Variants in CIRBP observed in about 807,000 individuals in gnomAD.
CIRBP encodes the protein cold-inducible RNA-binding protein.
In CIRBP, 11 loss-of-function variants were observed where a neutral mutation model predicts 22.3. The observed-to-expected ratio is 0.49, with a 90% CI of 0.31 to 0.82. The LOEUF (loss-of-function observed/expected upper bound fraction) is 0.82. Ranked by LOEUF, CIRBP falls within the 40% of genes least tolerant of loss-of-function variation. The pLI is 0.05. For missense variants in CIRBP, 456 were observed against 402.7 expected (o/e 1.13, Z -1.13); for synonymous variants, 216 against 158.8 (o/e 1.36, Z -2.71).
At position 1,270,987 on chromosome 19, in the gene CIRBP, T is replaced by C. The variant is rs1477585704; in HGVS notation, c.54T>C (p.Asn18=). 5.6e-6 allele frequency: 9 copies of C among 1,613,944 alleles called. No homozygotes were observed. Among genetic ancestry groups the C allele is most frequent in the Admixed American group, 5.0e-5 (3 of 60,010 alleles). ...TTGGAGGGCTGAGTTTTGACACCAA[T>C]GAGCAGTCGCTGGAGCAGGTCTTCT... ...LFVGGLSFDT[N]EQSLEQVFSK... The change falls in exon 2 of 6, where the codon AAT becomes AAC. Residue 18 remains asparagine, a synonymous_variant. Transcript: ENST00000587896.
rs778487475 is a variant in CIRBP at position 1,271,258 on chromosome 19, G to A, written c.210+12G>A. On this transcript the variant is annotated intron_variant, in intron 3 of 5. Coordinates refer to ENST00000587896, the MANE Select transcript of CIRBP (RefSeq NM_001300829.2). ...CCATGAATGGGAAGGTGAGGATCAG[G>A]GTGCTGAGCAGGAGTCCCGTCTCGA... 9 of 1,614,016 alleles carry A rather than the reference G, an allele frequency of 5.6e-6. No homozygotes were observed. Among genetic ancestry groups the A allele is most frequent in the Middle Eastern group, 1.6e-4 (1 of 6,062 alleles).
Position 1,272,311 on chromosome 19 carries a change from C to T in CIRBP, c.762C>T (p.Leu254=), listed in dbSNP as rs549272631. 8.7e-6 allele frequency: 14 copies of T among 1,613,608 alleles called. No individual in the cohort carries two copies. The highest frequency in any genetic ancestry group is 5.3e-5 in the African/African-American group (4 of 74,930). Residue 254 remains leucine, a synonymous_variant, in exon 6 of 6, where the codon CTC becomes CTT. Coordinates refer to ENST00000587896, the MANE Select transcript of CIRBP (RefSeq NM_001300829.2). ...TGTGTGGCCGCAGGCCAGCCTCCCT[C>T]GGCTGTGGGGGGTGGTTGCTCCCCG... is the stretch of plus-strand genomic sequence containing the variant. ...RCMCGRRPAS[L]GCGGWLLPGR... is the part of the protein sequence containing the mutation.
chr19:1,272,232 C>T lies in CIRBP; in HGVS notation c.683C>T (p.Thr228Ile). Residue 228 changes from threonine to isoleucine, a missense_variant, in exon 6 of 6, where the codon ACT becomes ATT. Thr to Ile is a moderately conservative substitution (Grantham distance 89). Around this residue, in one of 2 missense-constraint regions of CIRBP, gnomAD observed 426 missense variants for 339.6 expected, o/e 1.25. Transcript: ENST00000587896. ...FYRRTQKPNE[T>I]DQKGKGERGP... ...CGCAGGACGCAAAAGCCAAATGAGA[C>T]TGACCAAAAAGGCAAGGGAGAGCGA... 6.3e-7 allele frequency: 1 copy of T among 1,599,890 alleles called. No individual in the cohort carries two copies. The highest frequency in any genetic ancestry group is 8.5e-7 in the Non-Finnish European group (1 of 1,173,848).
intron 1 of CIRBP, chr19:1,270,306 G>T: frequency 2.8e-6 from 1 of 360,968 alleles, no homozygotes; most frequent in South Asian, 2.0e-5. Flanking sequence ...GTAGATGTCA[G>T]TTGGTTAGGG....
intron 5 of CIRBP, 79 bp downstream of exon 5, chr19:1,271,711 A>T: frequency 1.1e-6 from 1 of 936,472 alleles, no homozygotes; most frequent in Non-Finnish European, 1.6e-6. Context: ...TCCCTGGGGG[A>T]GCTGAGATGA....
At position 1,272,316 on chromosome 19, in the gene CIRBP, G is replaced by A. The variant is rs567366344; in HGVS notation, c.767G>A (p.Cys256Tyr). The part of the protein sequence containing the change: ...MCGRRPASLG[C>Y]GGWLLPGRRP... ...GGCCGCAGGCCAGCCTCCCTCGGCT[G>A]TGGGGGGTGGTTGCTCCCCGGCCGC... The change falls in exon 6 of 6, where the codon TGT (cysteine) becomes TAT (tyrosine). Residue 256 changes from cysteine to tyrosine, a missense_variant. Coordinates refer to ENST00000587896, the MANE Select transcript of CIRBP (RefSeq NM_001300829.2). 3.1e-6 allele frequency: 5 copies of A among 1,613,634 alleles called. No homozygotes were observed. In the Admixed American group the frequency reaches 6.7e-5, roughly 22 times the overall value.
At position 1,273,117 on chromosome 19, in the gene CIRBP, T is replaced by C. The variant is rs1328848035; in HGVS notation, c.*674T>C. ...TGTATTTGCAGTGGCTGAGGAATTCTTGTACGCAGTTTTCTTTGGCTTTAC... is the reference window on the plus strand; with the variant it reads ...TGTATTTGCAGTGGCTGAGGAATTCCTGTACGCAGTTTTCTTTGGCTTTAC... On this transcript the variant is annotated 3_prime_UTR_variant, in exon 6 of 6. Coordinates refer to ENST00000587896, the MANE Select transcript of CIRBP (RefSeq NM_001300829.2). The C allele has an allele frequency of 2.6e-5, 4 of 152,298 alleles. No individual in the cohort carries two copies. The highest frequency in any genetic ancestry group is 9.6e-5 in the African/African-American group (4 of 41,466). 9.4% of individuals were successfully genotyped at this position (152,298 alleles called of 1,614,324 possible).
rs781220064 is a variant in CIRBP at position 1,271,413 on chromosome 19, G to A, written c.295G>A (p.Gly99Arg). Residue 99 changes from glycine (G) to arginine (R), a missense_variant, in exon 4 of 6, where the codon GGG becomes AGG. Physicochemically the swap from Gly to Arg is moderately radical, Grantham distance 125. Transcript: ENST00000587896. ...RSRGYRGGSA[G>R]GRGFFRGGRG... ...CCGTGGGTACCGTGGTGGCTCTGCC[G>A]GGGGCCGGGGCTTCTTCCGTGGGGG... 5.8e-5 allele frequency: 94 copies of A among 1,613,180 alleles called. No homozygotes were observed. Among genetic ancestry groups the A allele is most frequent in the Non-Finnish European group, 7.5e-5 (88 of 1,179,724 alleles).
In CIRBP at chr19:1,271,253, A is replaced by G. The variant is rs1393143777; in HGVS notation, c.210+7A>G. The G allele has an allele frequency of 1.9e-6, 3 of 1,613,886 alleles. No individual in the cohort carries two copies. The highest frequency in any genetic ancestry group is 2.5e-6 in the Non-Finnish European group (3 of 1,180,000). Reference sequence around the variant, plus strand: ...GATGGCCATGAATGGGAAGGTGAGGATCAGGGTGCTGAGCAGGAGTCCCGT... The same window carrying G: ...GATGGCCATGAATGGGAAGGTGAGGGTCAGGGTGCTGAGCAGGAGTCCCGT... On this transcript the variant is annotated splice_region_variant and intron_variant, in intron 3 of 5. Coordinates refer to ENST00000587896, the MANE Select transcript of CIRBP (RefSeq NM_001300829.2).
In CIRBP at chr19:1,274,663, G is replaced by C. The variant is rs1206292589; in HGVS notation, c.*2220G>C. The stretch of plus-strand genomic sequence containing the variant: ...CCTCCTTCCAGGAGGCGCTTCGCCA[G>C]TGAGGTGCGGGCTCAGGGCCTCGAG... On this transcript the variant is annotated 3_prime_UTR_variant, in exon 6 of 6. Transcript: ENST00000587896. The C allele has an allele frequency of 1.9e-5, 4 of 210,570 alleles. No homozygotes were observed. Among genetic ancestry groups the C allele is most frequent in the African/African-American group, 9.2e-5 (4 of 43,624 alleles). The allele number at this position is 210,570 out of a possible 1,614,324, so 13.0% of individuals were successfully genotyped here.
rs1388802274 is a variant in CIRBP, at chr19:1,271,417, G to T, written c.299G>T (p.Gly100Val). ...GGGTACCGTGGTGGCTCTGCCGGGG[G>T]CCGGGGCTTCTTCCGTGGGGGCCGA... Reference protein sequence around the residue: ...SRGYRGGSAGGRGFFRGGRGR... With the variant: ...SRGYRGGSAGVRGFFRGGRGR... Residue 100 changes from glycine (G) to valine (V), a missense_variant, in exon 4 of 6, where the codon GGC becomes GTC. Gly to Val is a moderately radical substitution (Grantham distance 109, BLOSUM62 -3). Coordinates refer to ENST00000587896, the MANE Select transcript of CIRBP (RefSeq NM_001300829.2). 1 of 1,613,502 alleles carries T rather than the reference G, an allele frequency of 6.2e-7. No homozygotes were observed. Among genetic ancestry groups the T allele is most frequent in the Non-Finnish European group, 8.5e-7 (1 of 1,179,808 alleles).
At chr19:1,270,730 C>T (rs2081325104) in intron 1 of CIRBP, 198 bp from the exon 2 acceptor site, 2 of 567,798 alleles carry the variant, frequency 3.5e-6, no homozygotes, top group Admixed American at 6.0e-5. Context: ...CCCTGCACTC[C>T]AGTCTGGGTG....
chr19:1,270,885 G>A, intron 1 of CIRBP, 43 bp from the exon 2 acceptor site: 1 of 1,251,270 alleles, frequency 8.0e-7, no homozygotes, highest in Non-Finnish European at 1.2e-6. Context: ...GAGAGGTGGT[G>A]AGAGATGACC....
rs568979448 is a variant in CIRBP, at chr19:1,269,971, G to C, written c.-7+561G>C. ...CCAAAGTTTGGTCCAAGTTGGCACA[G>C]CTCCCAGTGCCAGACTTCCAAGTCT... On this transcript the variant is annotated intron_variant, in intron 1 of 5. Coordinates refer to ENST00000587896, the MANE Select transcript of CIRBP (RefSeq NM_001300829.2). 152 of 519,918 alleles carry C rather than the reference G, an allele frequency of 2.9e-4. 6 individuals are homozygous for C. The highest frequency in any genetic ancestry group is 2.1e-3 in the South Asian group (147 of 71,592). The allele number at this position is 519,918 out of a possible 1,614,324, so 32.2% of individuals were successfully genotyped here.
intron 3 of CIRBP, 21 bp downstream of exon 3, chr19:1,271,267 C>T (rs1343673908): frequency 6.2e-7 from 1 of 1,613,970 alleles, no homozygotes; most frequent in Admixed American, 1.7e-5. Flanking sequence ...GGGTGCTGAG[C>T]AGGAGTCCCG....
rs953669695 is a variant in CIRBP, at chr19:1,271,432, G to C, written c.314G>C (p.Arg105Pro). Residue 105 changes from arginine (R) to proline (P), a missense_variant, in exon 4 of 6, where the codon CGT becomes CCT. Arg to Pro is a moderately radical substitution (Grantham distance 103). This residue lies in a region of CIRBP where 426 missense variants were observed against 339.6 expected (regional missense o/e 1.25). Transcript: ENST00000587896. ...GGSAGGRGFF[R>P]GGRGRGRGFS... ...TCTGCCGGGGGCCGGGGCTTCTTCC[G>C]TGGGGGCCGAGGACGGGGCCGTGGG... 6.2e-7 allele frequency: 1 copy of C among 1,612,732 alleles called. No homozygotes were observed. The highest frequency in any genetic ancestry group is 1.1e-5 in the South Asian group (1 of 90,980).
rs2145532921 is a variant in CIRBP, at chr19:1,272,157, A to G, written c.608A>G (p.His203Arg). 2 of 1,609,822 alleles carry G rather than the reference A, an allele frequency of 1.2e-6. No individual in the cohort carries two copies. Among genetic ancestry groups the G allele is most frequent in the African/African-American group, 1.3e-5 (1 of 75,012 alleles). ...TTAGGCTGGACACTCAGACCTTGTCACTGTGCTTGCCCAGAAGAGGCGCAT... is the reference window on the plus strand; with the variant it reads ...TTAGGCTGGACACTCAGACCTTGTCGCTGTGCTTGCCCAGAAGAGGCGCAT... ...STLGWTLRPC[H>R]CACPEEAHLS... The change falls in exon 6 of 6, where the codon CAC becomes CGC. Residue 203 changes from histidine to arginine, a missense_variant. Physicochemically the swap from His to Arg is conservative, Grantham distance 29 (BLOSUM62 0). Coordinates refer to ENST00000587896, the MANE Select transcript of CIRBP (RefSeq NM_001300829.2).
At chr19:1,269,727 C>A in intron 1 of CIRBP, 2 of 363,944 alleles carry the variant, frequency 5.5e-6, no homozygotes, top group South Asian at 4.0e-5. Context: ...GGCGCATGCG[C>A]ACGCGGCGGG....
intron 1 of CIRBP, chr19:1,269,910 A>C (rs762981244): frequency 1.9e-6 from 1 of 519,752 alleles, no homozygotes; most frequent in Non-Finnish European, 3.8e-6. Flanking sequence ...GGCCCGTTCT[A>C]GTGTGGTTCC....
Sources: gnomAD v4.1 joint callset for allele counts on GRCh38, gnomAD v4.1.1 for gene constraint, gnomAD v4.1.1 regional missense constraint, MANE v1.5 for transcripts, NCBI Gene and HGNC (gene_info 2026-07-23, HGNC 2026-07-21) for gene names.